The following NTRK3 variants were observed in gnomAD, a reference collection of about 807,000 sequenced individuals.
NTRK3 encodes neurotrophic receptor tyrosine kinase 3.
NTRK3 carries 24 observed loss-of-function variants against 91.7 expected under a neutral mutation model. The ratio of observed to expected loss-of-function variants is 0.26; its 90% confidence interval spans 0.19 to 0.37. The LOEUF (loss-of-function observed/expected upper bound fraction) is 0.37. Among genes scored for constraint, NTRK3 ranks in the 10% least tolerant of loss-of-function variants. The probability of loss-of-function intolerance (pLI) is 1.00; values close to 1 mark genes in which losing one functional copy is unlikely to be tolerated. For synonymous variants in NTRK3, 483 were observed against 404.0 expected, an observed-to-expected ratio of 1.20 and a Z score of -2.34; for missense variants, 880 against 1,068.9, an observed-to-expected ratio of 0.82 and a Z score of 2.46.
chr15:88,047,228 G>A (rs1282721905), intron 13 of NTRK3, among the ~76,000 whole-genome samples: 1 of 152,172 alleles, frequency 6.6e-6, no homozygotes, highest in African/African-American at 2.4e-5. Context: ...GGTGTGTAAG[G>A]AGAATTACTG....
chr15:87,996,662 T>A (rs2075728572), intron 14 of NTRK3, among the ~76,000 whole-genome samples: 1 of 152,148 alleles, frequency 6.6e-6, no homozygotes. Flanking sequence ...AACTATGAAT[T>A]AGAAACCTCA....
chr15:87,906,266 A>G (rs2066756284), intron 17 of NTRK3, among the ~76,000 whole-genome samples: 1 of 152,244 alleles, frequency 6.6e-6, no homozygotes, highest in African/African-American at 2.4e-5. Flanking sequence ...AATTTACTCA[A>G]AGCCCCTATC....
rs768340803 is a variant in NTRK3, at chr15:87,880,553, T to C, written c.2134-125A>G. On this transcript the variant is annotated intron_variant, in intron 17 of 18. Transcript: ENST00000394480. Reference sequence around the variant, plus strand: ...CTATTCTAAGATAGTCACAGCTTTATGCAACTTCTATCAGAGGTGTGTGAA... The same window carrying C: ...CTATTCTAAGATAGTCACAGCTTTACGCAACTTCTATCAGAGGTGTGTGAA... 3.9e-5 allele frequency: 44 copies of C among 1,125,162 alleles called. 1 individual carries two copies. The Admixed American group carries it at 5.4e-4, about 14-fold the overall frequency. 69.7% of individuals were successfully genotyped at this position (1,125,162 alleles called of 1,614,324 possible).
At chr15:87,923,478 A>G (rs911248630) in intron 17 of NTRK3, among the ~76,000 whole-genome samples, 1 of 152,208 alleles carries the variant, frequency 6.6e-6, no homozygotes, top group Admixed American at 6.5e-5. Flanking sequence ...ATGATGGTGT[A>G]GCAGAGGACT....
chr15:88,050,079 AC>A (rs1422727369), intron 13 of NTRK3, among the ~76,000 whole-genome samples: 1 of 152,226 alleles, frequency 6.6e-6, no homozygotes, highest in Non-Finnish European at 1.5e-5. Flanking sequence ...CATTAAACCA[AC>A]AATTTGCCCC....
chr15:88,065,446 G>A (rs2046568706), intron 13 of NTRK3, among the ~76,000 whole-genome samples: 1 of 152,136 alleles, frequency 6.6e-6, no homozygotes, highest in African/African-American at 2.4e-5. Flanking sequence ...TCTGCTTGGT[G>A]ACCAGATGGT....
At chr15:88,105,693 A>C (rs1319103877) in intron 13 of NTRK3, among the ~76,000 whole-genome samples, 3 of 152,158 alleles carry the variant, frequency 2.0e-5, no homozygotes, top group African/African-American at 7.2e-5. Context: ...TCATGAGTGG[A>C]AATACACACA....
intron 3 of NTRK3, among the ~76,000 whole-genome samples, chr15:88,242,607 G>C (rs1863490): frequency 0.85 from 130,092 of 152,190 alleles, 55,821 homozygotes; most frequent in East Asian, 0.99. Flanking sequence ...CTTTTATTTT[G>C]TCAAGGCTGT....
intron 17 of NTRK3, among the ~76,000 whole-genome samples, chr15:87,881,548 T>A (rs1293290424): frequency 4.6e-5 from 7 of 151,890 alleles, no homozygotes; most frequent in African/African-American, 1.7e-4. Context: ...GCCTCCCGAG[T>A]AGCTGGGACT....
rs563917920 is a variant in NTRK3, at chr15:88,232,441, T to C, written c.248+23465A>G. ...TGCTCAAATAATGGAGGAAGTGAAG[T>C]GGATTGAATTGGATTGCACTGAATT... On this transcript the variant is annotated intron_variant, in intron 3 of 18. Transcript: ENST00000394480. Among the ~76,000 whole-genome samples the C allele has an allele frequency of 3.3e-5, 5 of 152,284 alleles. No individual in the cohort carries two copies. In the East Asian group the frequency reaches 5.8e-4, roughly 18 times the overall value.
At chr15:88,141,370 G>T (rs957322524) in intron 6 of NTRK3, among the ~76,000 whole-genome samples, 1 of 152,194 alleles carries the variant, frequency 6.6e-6, no homozygotes, top group African/African-American at 2.4e-5. Flanking sequence ...ATGACAAGAA[G>T]AGCAGAAGGC....
intron 14 of NTRK3, among the ~76,000 whole-genome samples, chr15:87,943,083 A>G (rs536200279): frequency 6.6e-6 from 1 of 151,954 alleles, no homozygotes; most frequent in Non-Finnish European, 1.5e-5. Flanking sequence ...GGCTTGTTAC[A>G]ACAGATTGCT....
intron 13 of NTRK3, among the ~76,000 whole-genome samples, chr15:88,086,911 A>G (rs552158344): frequency 1.4e-4 from 21 of 152,208 alleles, no homozygotes; most frequent in Non-Finnish European, 2.2e-4. Flanking sequence ...GCCTAATTGA[A>G]TAAAAGTCAT....
At chr15:88,181,678 T>C (rs913306899) in intron 5 of NTRK3, among the ~76,000 whole-genome samples, 1 of 152,210 alleles carries the variant, frequency 6.6e-6, no homozygotes, top group East Asian at 1.9e-4. Flanking sequence ...ATTTGGCCCA[T>C]GGAGTTGAAA....
At chr15:88,040,042 T>C (rs974591616) in intron 13 of NTRK3, among the ~76,000 whole-genome samples, 2 of 152,240 alleles carry the variant, frequency 1.3e-5, no homozygotes, top group African/African-American at 4.8e-5. Flanking sequence ...AGGGCAAATA[T>C]TTAGGCTAAA....
At chr15:88,030,542 C>T (rs1305663003) in intron 14 of NTRK3, among the ~76,000 whole-genome samples, 2 of 152,164 alleles carry the variant, frequency 1.3e-5, no homozygotes, top group African/African-American at 4.8e-5. Context: ...TCATATTCTG[C>T]ACCAGGAATC....
chr15:87,872,596 C>A, exon 19 of NTRK3: 1 of 231,288 alleles, frequency 4.3e-6, no homozygotes, highest in Non-Finnish European at 8.6e-6. Flanking sequence ...AGGGGAACAG[C>A]CTGGTGAAAC....
chr15:87,963,518 T>C (rs1307507715), intron 14 of NTRK3, among the ~76,000 whole-genome samples: 2 of 152,244 alleles, frequency 1.3e-5, no homozygotes, highest in Non-Finnish European at 2.9e-5. Context: ...GAAATTATTC[T>C]GCTTTTCACT....
At chr15:88,044,329 C>G (rs1021920274) in intron 13 of NTRK3, among the ~76,000 whole-genome samples, 7 of 141,818 alleles carry the variant, frequency 4.9e-5, no homozygotes, top group Non-Finnish European at 1.1e-4. Context: ...GACACGATCT[C>G]GGCTCACTGC....
Sources: gnomAD v4.1 joint callset for allele counts (sites outside exome capture counted in the v4.1 genomes callset) on GRCh38, gnomAD v4.1.1 for gene constraint, MANE v1.5 for transcripts, NCBI Gene and HGNC (gene_info 2026-07-23, HGNC 2026-07-21) for gene names.